SV2C: variants seen among roughly 807,000 people sequenced by gnomAD.
The protein encoded by SV2C is synaptic vesicle glycoprotein 2C.
A neutral mutation model predicts 79.7 loss-of-function variants in SV2C; 49 were observed. The ratio of observed to expected loss-of-function variants is 0.61; its 90% confidence interval spans 0.49 to 0.78. SV2C has a LOEUF of 0.78. Ranked by LOEUF, SV2C falls within the 30% of genes least tolerant of loss-of-function variation. SV2C has a pLI of 0.00. For synonymous variants in SV2C, 334 were observed against 333.2 expected (o/e 1.00, Z -0.03); for missense variants, 833 against 912.9 (o/e 0.91, Z 1.13).
At chr5:76,156,648 A>G (rs1225843654) in intron 2 of SV2C, among the ~76,000 whole-genome samples, 5 of 152,178 alleles carry the variant, frequency 3.3e-5, no homozygotes, top group Admixed American at 3.3e-4. Flanking sequence ...GCTAAAGGAA[A>G]CCCATGATTA....
At chr5:76,284,903 CT>C (rs1747302341) in intron 4 of SV2C, among the ~76,000 whole-genome samples, 1 of 152,156 alleles carries the variant, frequency 6.6e-6, no homozygotes, top group African/African-American at 2.4e-5. Flanking sequence ...TTATGTTGGC[CT>C]TTGGGGTTTG....
chr5:75,927,148 T>C, the SV2C span, among the ~76,000 whole-genome samples: 4 of 152,130 alleles, frequency 2.6e-5, no homozygotes, highest in Non-Finnish European at 4.4e-5. Context: ...ATGGATCCTA[T>C]AGATTGAGAG....
the SV2C span, among the ~76,000 whole-genome samples, chr5:76,064,555 C>G: frequency 2.0e-5 from 3 of 152,224 alleles, no homozygotes; most frequent in Admixed American, 6.5e-5. Flanking sequence ...TTTGTTAAAG[C>G]CTTCTCTTTG....
chr5:76,289,979 G>A (rs191605072), intron 6 of SV2C, among the ~76,000 whole-genome samples: 4 of 152,132 alleles, frequency 2.6e-5, no homozygotes, highest in Middle Eastern at 3.4e-3. Context: ...TTTGCATCCC[G>A]CATGGGTGCC....
chr5:76,059,949 C>T, the SV2C span, among the ~76,000 whole-genome samples: 1 of 152,074 alleles, frequency 6.6e-6, no homozygotes, highest in Non-Finnish European at 1.5e-5. Flanking sequence ...TATTAATCTC[C>T]TTGTATATCT....
chr5:76,352,990 A>G, intron 12 of SV2C: 1 of 231,286 alleles, frequency 4.3e-6, no homozygotes, highest in Non-Finnish European at 8.9e-6. Context: ...TGCCCAGGCT[A>G]GAGTGCAATA....
chr5:76,268,566 C>T (rs1746738772), intron 4 of SV2C, among the ~76,000 whole-genome samples: 1 of 152,174 alleles, frequency 6.6e-6, no homozygotes, highest in African/African-American at 2.4e-5. Flanking sequence ...CCTGAGGACT[C>T]ACGGGAATTT....
the SV2C span, among the ~76,000 whole-genome samples, chr5:75,898,062 C>T: frequency 2.0e-5 from 3 of 152,062 alleles, no homozygotes; most frequent in South Asian, 6.2e-4. Flanking sequence ...CCCTTTATTT[C>T]CTTCTCCTGC....
chr5:76,352,415 T>C (rs1749659327), intron 12 of SV2C, among the ~76,000 whole-genome samples: 1 of 152,196 alleles, frequency 6.6e-6, no homozygotes, highest in South Asian at 2.1e-4. Context: ...GGTAATTAGG[T>C]CATGAGAGCT....
chr5:75,990,784 T>A, the SV2C span, among the ~76,000 whole-genome samples: 1 of 151,814 alleles, frequency 6.6e-6, no homozygotes, highest in Non-Finnish European at 1.5e-5. Flanking sequence ...TGCACATATA[T>A]CCTAGAACTT....
chr5:75,896,672 A>C, the SV2C span, among the ~76,000 whole-genome samples: 1 of 151,536 alleles, frequency 6.6e-6, no homozygotes, highest in Non-Finnish European at 1.5e-5. Context: ...GAACTAGTTT[A>C]CAGTCCCACC....
chr5:76,293,099 C>A (rs573495773), intron 8 of SV2C, among the ~76,000 whole-genome samples: 1 of 152,254 alleles, frequency 6.6e-6, no homozygotes, highest in Admixed American at 6.5e-5. Flanking sequence ...TGCTGGGTGA[C>A]TTGGTTAGCT....
chr5:76,224,913 T>A (rs569708932), intron 4 of SV2C, among the ~76,000 whole-genome samples: 31 of 152,296 alleles, frequency 2.0e-4, no homozygotes, highest in Admixed American at 4.6e-4. Context: ...CCTATTCTCT[T>A]ATGGGCTGAT....
chr5:76,273,254 AG>A (rs899989969), intron 4 of SV2C, among the ~76,000 whole-genome samples: 2 of 151,552 alleles, frequency 1.3e-5, no homozygotes, highest in African/African-American at 4.8e-5. Flanking sequence ...TATATACAAA[AG>A]AAAATCCCAA....
At chr5:75,964,898 T>G in the SV2C span, among the ~76,000 whole-genome samples, 2 of 152,324 alleles carry the variant, frequency 1.3e-5, no homozygotes, top group African/African-American at 2.4e-5. Context: ...ATTACAGCAA[T>G]TTTTTAAACT....
At chr5:75,954,676 G>A in the SV2C span, among the ~76,000 whole-genome samples, 1 of 150,252 alleles carries the variant, frequency 6.7e-6, no homozygotes, top group Non-Finnish European at 1.5e-5. Context: ...TCCTTAAGCT[G>A]ATAAGCAACT....
intron 12 of SV2C, among the ~76,000 whole-genome samples, chr5:76,345,469 A>G (rs1580091629): frequency 6.6e-6 from 1 of 152,278 alleles, no homozygotes; most frequent in Non-Finnish European, 1.5e-5. Context: ...TTATGATGGC[A>G]GAAGTTCTGA....
chr5:76,140,916 G>A (rs543660233), intron 2 of SV2C, among the ~76,000 whole-genome samples: 1 of 152,292 alleles, frequency 6.6e-6, no homozygotes, highest in South Asian at 2.1e-4. Context: ...GCATCACAGT[G>A]ATCCTAATTG....
At chr5:76,217,680 A>G (rs1232239071) in intron 4 of SV2C, among the ~76,000 whole-genome samples, 1 of 152,166 alleles carries the variant, frequency 6.6e-6, no homozygotes. Context: ...TGTGAGCTAC[A>G]TGAAAAAAGA....
Sources: allele counts gnomAD v4.1 joint callset (sites outside exome capture counted in the v4.1 genomes callset), GRCh38; gene constraint gnomAD v4.1.1; transcripts MANE v1.5; gene names NCBI Gene and HGNC (gene_info 2026-07-23, HGNC 2026-07-21).